Variants in NPTN observed in about 807,000 individuals in gnomAD.
NPTN encodes the protein SDR-1.
A neutral mutation model predicts 42.7 loss-of-function variants in NPTN; 5 were observed. The observed-to-expected ratio is 0.12, with a 90% CI of 0.06 to 0.25. The LOEUF (loss-of-function observed/expected upper bound fraction) is 0.25. NPTN is among the 10% of genes least tolerant of loss of function. The pLI, the probability that NPTN is intolerant of heterozygous loss-of-function variation, is 1.00. For synonymous variants in NPTN, 180 were observed against 201.9 expected, an observed-to-expected ratio of 0.89 and a Z score of 0.92; for missense variants, 307 against 525.4, an observed-to-expected ratio of 0.58 and a Z score of 4.06.
At chr15:73,603,747 G>T (rs1897169633) in intron 1 of NPTN, among the ~76,000 whole-genome samples, 1 of 152,130 alleles carries the variant, frequency 6.6e-6, no homozygotes, top group Non-Finnish European at 1.5e-5. Context: ...GAAGATACTG[G>T]ATATTGAACA....
intron 1 of NPTN, among the ~76,000 whole-genome samples, chr15:73,614,485 T>C (rs2141457308): frequency 6.6e-6 from 1 of 152,330 alleles, no homozygotes; most frequent in African/African-American, 2.4e-5. Flanking sequence ...TATTTGTAGA[T>C]GTAATTGATG....
At chr15:73,615,964 C>T (rs540741184) in intron 1 of NPTN, among the ~76,000 whole-genome samples, 69 of 152,210 alleles carry the variant, frequency 4.5e-4, no homozygotes, top group African/African-American at 1.5e-3. Flanking sequence ...TTTCAAAACT[C>T]GGGTAAGTGA....
intron 3 of NPTN, among the ~76,000 whole-genome samples, chr15:73,590,601 A>G (rs1896539709): frequency 6.7e-6 from 1 of 149,190 alleles, no homozygotes; most frequent in African/African-American, 2.5e-5. Flanking sequence ...GTCTCTACAA[A>G]AAATACAAAA....
chr15:73,585,842 A>G (rs1374047179), intron 4 of NPTN, among the ~76,000 whole-genome samples: 2 of 152,190 alleles, frequency 1.3e-5, no homozygotes, highest in Non-Finnish European at 2.9e-5. Flanking sequence ...CCTTGAATAT[A>G]ACACGTAAGT....
intron 1 of NPTN, among the ~76,000 whole-genome samples, chr15:73,613,181 C>T (rs553424601): frequency 3.0e-4 from 45 of 152,216 alleles, no homozygotes; most frequent in African/African-American, 9.6e-4. Context: ...ATTTAAAAAC[C>T]TTCCCCAAAA....
At chr15:73,601,923 A>G (rs1428327709) in intron 1 of NPTN, among the ~76,000 whole-genome samples, 2 of 152,200 alleles carry the variant, frequency 1.3e-5, no homozygotes, top group East Asian at 3.8e-4. Flanking sequence ...GTAAAATTGC[A>G]TAACTGGGGA....
In NPTN at chr15:73,605,709, A is replaced by G. The variant is rs190658949; in HGVS notation, c.92-8340T>C. Among the ~76,000 whole-genome samples the G allele has an allele frequency of 3.4e-3, 519 of 150,808 alleles. 1 individual carries two copies. The highest frequency in any genetic ancestry group is 0.031 in the Middle Eastern group (9 of 292). ...ACCACTGCACTCCAGCCTGGGCAAC[A>G]AGAGCGAAACTCACCTCAAAAAAAA... is the stretch of plus-strand genomic sequence containing the variant. On this transcript the variant is annotated intron_variant, in intron 1 of 8. Transcript: ENST00000345330.
intron 5 of NPTN, among the ~76,000 whole-genome samples, chr15:73,571,028 C>A (rs1895349594): frequency 6.6e-6 from 1 of 152,226 alleles, no homozygotes; most frequent in Non-Finnish European, 1.5e-5. Flanking sequence ...TGCCTGTAAT[C>A]TCAGCACTTT....
At chr15:73,601,868 G>C (rs550163526) in intron 1 of NPTN, among the ~76,000 whole-genome samples, 1 of 152,140 alleles carries the variant, frequency 6.6e-6, no homozygotes. Context: ...GGGGTAGCAG[G>C]CAGAGCATTA....
chr15:73,616,740 T>C (rs1229001558), intron 1 of NPTN, among the ~76,000 whole-genome samples: 1 of 152,152 alleles, frequency 6.6e-6, no homozygotes, highest in Admixed American at 6.5e-5. Flanking sequence ...GTTATACTAC[T>C]TACCTAGTGT....
chr15:73,633,098 C>T (rs1898852750), intron 1 of NPTN, 27 bp downstream of exon 1: 1 of 1,405,410 alleles, frequency 7.1e-7, no homozygotes, highest in Non-Finnish European at 9.3e-7. Context: ...CAACCCCCGC[C>T]CGGCCCGCCC....
At position 73,623,503 on chromosome 15, in the gene NPTN, A is replaced by G. The variant is rs553276035; in HGVS notation, c.91+9622T>C. ...GGAGTTTGAGACCAGCCTGGGCAAC[A>G]TAGGGAGACCTCATCTCCACAAAAA... is the stretch of plus-strand genomic sequence containing the variant. On this transcript the variant is annotated intron_variant, in intron 1 of 8. Transcript: ENST00000345330. Among the ~76,000 whole-genome samples, 3 of 152,310 alleles carry G rather than the reference A, an allele frequency of 2.0e-5. No homozygotes were observed. The South Asian group carries it at 6.2e-4, about 32-fold the overall frequency.
At chr15:73,574,320 C>G (rs1456282991) in intron 4 of NPTN, among the ~76,000 whole-genome samples, 1 of 152,240 alleles carries the variant, frequency 6.6e-6, no homozygotes, top group East Asian at 1.9e-4. Flanking sequence ...TAACAATGAC[C>G]AAGGCTCTCC....
intron 6 of NPTN, chr15:73,567,001 GCTTTTTT>G: frequency 2.1e-5 from 18 of 856,786 alleles, no homozygotes; most frequent in African/African-American, 2.5e-5. Context: ...AAGACATGGG[GCTTTTTT>G]TTTTTTTTTT....
intron 1 of NPTN, among the ~76,000 whole-genome samples, chr15:73,627,052 T>C (rs1222330403): frequency 6.6e-6 from 1 of 152,136 alleles, no homozygotes; most frequent in East Asian, 1.9e-4. Context: ...CTGGCCAACA[T>C]GGCGAAACTC....
intron 7 of NPTN, among the ~76,000 whole-genome samples, chr15:73,562,419 C>T (rs951962447): frequency 2.0e-5 from 3 of 152,202 alleles, no homozygotes; most frequent in African/African-American, 7.2e-5. Context: ...CAGACGAGTA[C>T]TTTCCCTTCG....
intron 7 of NPTN, among the ~76,000 whole-genome samples, chr15:73,562,581 T>G (rs1176679747): frequency 6.6e-6 from 1 of 152,214 alleles, no homozygotes; most frequent in African/African-American, 2.4e-5. Flanking sequence ...GTTTGTCTGC[T>G]TCTCACTCTT....
At chr15:73,593,540 G>A (rs1398339314) in intron 2 of NPTN, among the ~76,000 whole-genome samples, 3 of 152,098 alleles carry the variant, frequency 2.0e-5, no homozygotes, top group African/African-American at 7.2e-5. Flanking sequence ...CTTAACGTGA[G>A]GAAAGAACTC....
chr15:73,623,896 C>T (rs147581923), intron 1 of NPTN, among the ~76,000 whole-genome samples: 16 of 152,300 alleles, frequency 1.1e-4, no homozygotes, highest in East Asian at 7.7e-4. Context: ...TCTATTCTTC[C>T]GCTAGTTTCA....
Sources: gnomAD v4.1 joint callset for allele counts (sites outside exome capture counted in the v4.1 genomes callset) on GRCh38, gnomAD v4.1.1 for gene constraint, MANE v1.5 for transcripts, NCBI Gene and HGNC (gene_info 2026-07-23, HGNC 2026-07-21) for gene names.